Variants in GPD2 observed in about 807,000 individuals in gnomAD.
GPD2 encodes the protein glycerol-3-phosphate dehydrogenase, mitochondrial.
Under a neutral mutation model 82.4 loss-of-function variants are expected in GPD2, and 54 were observed. That is an observed-to-expected ratio of 0.66 (90% confidence interval 0.53 to 0.82). The LOEUF is 0.82. GPD2 is among the 40% of genes least tolerant of loss of function. The pLI is 0.00. For missense variants in GPD2, 748 were observed against 896.2 expected (o/e 0.83, Z 2.11); for synonymous variants, 288 against 306.1 (o/e 0.94, Z 0.62).
At chr2:156,510,959 T>G (rs1001924946) in intron 4 of GPD2, 39 bp downstream of exon 4, 2 of 1,599,482 alleles carry the variant, frequency 1.3e-6, no homozygotes, top group African/African-American at 2.7e-5. Context: ...AAATTGCAAC[T>G]GTGCTTTTTT....
chr2:156,582,948 CAT>C lies in GPD2; in HGVS notation c.*32_*33del. On this transcript the variant is annotated 3_prime_UTR_variant, in exon 17 of 17. Transcript: ENST00000438166. ...GGGCAGTAAATCCACAGCCAACAAA[CAT>C]AGAAACGACAAATCACCATGTAACA... The C allele has an allele frequency of 6.2e-7, 1 of 1,603,018 alleles. No individual in the cohort carries two copies. The highest frequency in any genetic ancestry group is 8.5e-7 in the Non-Finnish European group (1 of 1,172,568).
chr2:156,436,372 C>G (rs1466347429), upstream of GPD2: 1 of 152,390 alleles, frequency 6.6e-6, no homozygotes, highest in Non-Finnish European at 1.5e-5. Context: ...CCCGCCCAGC[C>G]CGCCTCGAGT....
chr2:156,432,407 C>A (rs966278523), upstream of GPD2, among the ~76,000 whole-genome samples: 21 of 152,124 alleles, frequency 1.4e-4, no homozygotes, highest in African/African-American at 4.8e-4. Context: ...CAGCCCCTGT[C>A]CCCCTCCCTC....
intron 1 of GPD2, among the ~76,000 whole-genome samples, chr2:156,436,883 G>T (rs1197877815): frequency 6.6e-6 from 1 of 152,182 alleles, no homozygotes; most frequent in Non-Finnish European, 1.5e-5. Context: ...AGGCTTCTTT[G>T]AGAAACTCAG....
chr2:156,534,294 C>T (rs1314679869), intron 6 of GPD2, among the ~76,000 whole-genome samples: 1 of 152,176 alleles, frequency 6.6e-6, no homozygotes, highest in African/African-American at 2.4e-5. Flanking sequence ...TTCTGCTTAT[C>T]TGTTATCTGC....
chr2:156,571,380 T>A, intron 13 of GPD2, 88 bp downstream of exon 13: 1 of 784,086 alleles, frequency 1.3e-6, no homozygotes, highest in South Asian at 2.5e-5. Flanking sequence ...TAGTTTTTGA[T>A]GATAACCTTA....
the GPD2 span, among the ~76,000 whole-genome samples, chr2:156,418,108 G>A: frequency 2.0e-5 from 3 of 152,086 alleles, no homozygotes; most frequent in Admixed American, 1.3e-4. Context: ...CCAGCTACTC[G>A]GGAGGCTGAG....
intron 1 of GPD2, among the ~76,000 whole-genome samples, chr2:156,446,939 T>G (rs1682388568): frequency 6.6e-6 from 1 of 152,178 alleles, no homozygotes; most frequent in African/African-American, 2.4e-5. Flanking sequence ...TATATCTGAA[T>G]CCATCAACCC....
intron 4 of GPD2, among the ~76,000 whole-genome samples, chr2:156,511,963 A>T (rs1017746114): frequency 6.6e-6 from 1 of 152,140 alleles, no homozygotes; most frequent in Admixed American, 6.5e-5. Context: ...TAATCTTGTA[A>T]CTCAAGTCAG....
rs1393212968 is a variant in GPD2, at chr2:156,568,862, C to A, written c.1203C>A (p.Ile401=). 2 of 1,612,494 alleles carry A rather than the reference C, an allele frequency of 1.2e-6. No individual in the cohort carries two copies. Among genetic ancestry groups the A allele is most frequent in the African/African-American group, 2.7e-5 (2 of 74,870 alleles). The change falls in exon 10 of 17, where the codon ATC becomes ATA. Residue 401 remains isoleucine (I), a synonymous_variant. Coordinates refer to ENST00000438166, the MANE Select transcript of GPD2 (RefSeq NM_000408.5). ...RGDVLAAWSG[I]RPLVTDPKSA... ...ATGTCCTGGCAGCATGGAGTGGAATCCGTCCTCTTGTTACAGACCCCAAAT... is the reference window on the plus strand; with the variant it reads ...ATGTCCTGGCAGCATGGAGTGGAATACGTCCTCTTGTTACAGACCCCAAAT...
At chr2:156,482,865 C>G (rs998383738) in intron 2 of GPD2, among the ~76,000 whole-genome samples, 1 of 152,036 alleles carries the variant, frequency 6.6e-6, no homozygotes, top group Non-Finnish European at 1.5e-5. Flanking sequence ...TACAGGTAAG[C>G]CTATACTACC....
chr2:156,541,676 A>C (rs1186439760), intron 6 of GPD2, among the ~76,000 whole-genome samples: 3 of 152,168 alleles, frequency 2.0e-5, no homozygotes, highest in African/African-American at 7.2e-5. Context: ...AAGGAAGCTT[A>C]CCAGGGGTTT....
chr2:156,414,456 G>A, the GPD2 span, among the ~76,000 whole-genome samples: 1 of 152,090 alleles, frequency 6.6e-6, no homozygotes, highest in Non-Finnish European at 1.5e-5. Flanking sequence ...AGATTAGGTC[G>A]GTTATCTGAA....
At chr2:156,510,220 C>A (rs1401055158) in intron 3 of GPD2, among the ~76,000 whole-genome samples, 1 of 152,082 alleles carries the variant, frequency 6.6e-6, no homozygotes, top group African/African-American at 2.4e-5. Flanking sequence ...AACTTATTCT[C>A]TTTCTTTCTT....
At chr2:156,403,622 T>TGA in the GPD2 span, among the ~76,000 whole-genome samples, 1 of 151,894 alleles carries the variant, frequency 6.6e-6, no homozygotes, top group South Asian at 2.1e-4. Context: ...GGTGTGTGTG[T>TGA]GTGTGTGTGT....
intron 6 of GPD2, among the ~76,000 whole-genome samples, chr2:156,548,770 A>G (rs1686644398): frequency 6.6e-6 from 1 of 152,170 alleles, no homozygotes; most frequent in Non-Finnish European, 1.5e-5. Context: ...GCTTCAATAC[A>G]TCTAGCCCTG....
intron 1 of GPD2, among the ~76,000 whole-genome samples, chr2:156,437,627 A>C (rs753506844): frequency 3.9e-5 from 6 of 152,218 alleles, no homozygotes; most frequent in Non-Finnish European, 7.3e-5. Context: ...TTAATGAATA[A>C]ATGGGTAAAT....
chr2:156,419,049 CTTTTTTTTT>C, the GPD2 span, among the ~76,000 whole-genome samples: 1 of 77,216 alleles, frequency 1.3e-5, no homozygotes, highest in Non-Finnish European at 2.7e-5. Context: ...TTCTTTCCTT[CTTTTTTTTT>C]TTTTTTTTTT....
intron 2 of GPD2, among the ~76,000 whole-genome samples, chr2:156,478,433 C>T (rs1002353343): frequency 1.3e-5 from 2 of 152,020 alleles, no homozygotes; most frequent in African/African-American, 4.8e-5. Context: ...GATTCCTGTC[C>T]CTTTAAGATA....
Sources: gnomAD v4.1 joint callset for allele counts (sites outside exome capture counted in the v4.1 genomes callset) on GRCh38, gnomAD v4.1.1 for gene constraint, MANE v1.5 for transcripts, NCBI Gene and HGNC (gene_info 2026-07-23, HGNC 2026-07-21) for gene names.